Variants in SLCO4A1 observed in about 807,000 individuals in gnomAD.
The protein encoded by SLCO4A1 is solute carrier organic anion transporter family member 4A1.
In SLCO4A1, 51 loss-of-function variants were observed where a neutral mutation model predicts 64.6. That is an observed-to-expected ratio of 0.79 (90% CI 0.63 to 1.00). The LOEUF (loss-of-function observed/expected upper bound fraction) is 1.00, where lower values mean the gene tolerates loss of function less well. Ranked by LOEUF, SLCO4A1 falls within the 50% of genes least tolerant of loss-of-function variation. The pLI, the probability that SLCO4A1 is intolerant of heterozygous loss-of-function variation, is 0.00. For missense variants in SLCO4A1, 919 were observed against 980.5 expected, an observed-to-expected ratio of 0.94 and a Z score of 0.84; for synonymous variants, 471 against 444.9, an observed-to-expected ratio of 1.06 and a Z score of -0.74.
In SLCO4A1 at chr20:62,668,540, A is replaced by G; in HGVS notation, c.1875A>G (p.Leu625=). Residue 625 remains leucine (L), a splice_region_variant and synonymous_variant, in exon 10 of 12, where the codon CTA becomes CTG. Coordinates refer to ENST00000217159, the MANE Select transcript of SLCO4A1 (RefSeq NM_016354.4). ...TCCAGTGGATTGTAGTTAGAATACT[A>G]GGTACTGTGCAGTGTGAGGAAGCCA... ...LGIQWIVVRI[L]GGIPGPIAFG... is the part of the protein sequence containing the mutation. 6.2e-7 allele frequency: 1 copy of G among 1,612,548 alleles called. No homozygotes were observed.
intron 3 of SLCO4A1, among the ~76,000 whole-genome samples, chr20:62,659,660 G>A (rs1169191009): frequency 2.6e-5 from 4 of 152,204 alleles, no homozygotes; most frequent in Admixed American, 6.5e-5. Flanking sequence ...CTGGCCCCCG[G>A]AGGCGGCCGC....
chr20:62,666,212 C>T lies in SLCO4A1; in HGVS notation c.1277-168C>T, dbSNP rs191407172. Among the ~76,000 whole-genome samples, 1,143 of 149,302 alleles carry T rather than the reference C, an allele frequency of 7.7e-3. 20 individuals carry two copies. Among genetic ancestry groups the T allele is most frequent in the African/African-American group, 0.027 (1,098 of 40,484 alleles). Reference sequence around the variant, plus strand: ...GAGGTCCCTCCTAGGGCTCTATCAGCGCAACAGCTAAGCACTCAGGTGTGG... The same window carrying T: ...GAGGTCCCTCCTAGGGCTCTATCAGTGCAACAGCTAAGCACTCAGGTGTGG... On this transcript the variant is annotated intron_variant, in intron 6 of 11. Coordinates refer to ENST00000217159, the MANE Select transcript of SLCO4A1 (RefSeq NM_016354.4).
chr20:62,671,692 G>GT, intron 11 of SLCO4A1, 58 bp from the exon 12 acceptor site: 3 of 1,538,660 alleles, frequency 1.9e-6, no homozygotes, highest in Non-Finnish European at 2.7e-6. Flanking sequence ...AGGCCCACCA[G>GT]TATCCAAAGG....
Position 62,666,381 on chromosome 20 carries a change from G to A in SLCO4A1, c.1278G>A (p.Gly426=), listed in dbSNP as rs1986340848. ...LSASEAATLF[G]YLVVPAGGGG... is the part of the protein sequence containing the mutation. ...GGCTGAATCCCTCCCTCTCCCCAGG[G>A]TACCTGGTGGTGCCAGCGGGTGGTG... The change falls in exon 7 of 12, where the codon GGG becomes GGA. Residue 426 remains glycine (G), a splice_region_variant and synonymous_variant. Coordinates refer to ENST00000217159, the MANE Select transcript of SLCO4A1 (RefSeq NM_016354.4). The A allele has an allele frequency of 1.2e-6, 2 of 1,612,514 alleles. No homozygotes were observed. The highest frequency in any genetic ancestry group is 1.7e-6 in the Non-Finnish European group (2 of 1,179,770).
At chr20:62,651,225 GAC>G (rs1307017191) in intron 1 of SLCO4A1, 1 of 152,206 alleles carries the variant, frequency 6.6e-6, no homozygotes, top group African/African-American at 2.4e-5. Context: ...TTCCAATCTA[GAC>G]ACCGCTGTTT....
intron 4 of SLCO4A1, 63 bp downstream of exon 4, chr20:62,660,596 G>C (rs1984596265): frequency 1.3e-6 from 2 of 1,561,340 alleles, no homozygotes; most frequent in East Asian, 4.5e-5. Flanking sequence ...CTTCGCGAAG[G>C]GGGCACCCCG....
At chr20:62,670,387 C>T (rs1406282299) in intron 11 of SLCO4A1, among the ~76,000 whole-genome samples, 23 of 152,246 alleles carry the variant, frequency 1.5e-4, no homozygotes, top group Non-Finnish European at 1.5e-5. Context: ...GGTGTGGTTC[C>T]CACATCCCCC....
chr20:62,663,867 G>A (rs1431853885), intron 5 of SLCO4A1, among the ~76,000 whole-genome samples: 1 of 152,222 alleles, frequency 6.6e-6, no homozygotes, highest in Non-Finnish European at 1.5e-5. Context: ...TGGCTGGGAG[G>A]GCTTTGCGTG....
downstream of SLCO4A1, among the ~76,000 whole-genome samples, chr20:62,673,751 G>C (rs545449480): frequency 5.8e-5 from 6 of 103,082 alleles, no homozygotes; most frequent in African/African-American, 5.8e-5. Flanking sequence ...CAAGGGCCAC[G>C]TGAGCCAACC....
chr20:62,660,695 T>G (rs1442708297), intron 4 of SLCO4A1, among the ~76,000 whole-genome samples, 162 bp downstream of exon 4: 2 of 152,222 alleles, frequency 1.3e-5, no homozygotes, highest in African/African-American at 4.8e-5. Flanking sequence ...GAGAGACGCC[T>G]CCTGGCTGTG....
intron 5 of SLCO4A1, 117 bp from the exon 6 acceptor site, chr20:62,664,817 C>T: frequency 8.5e-7 from 1 of 1,179,898 alleles, no homozygotes; most frequent in Non-Finnish European, 1.2e-6. Context: ...CCCTCAGTCT[C>T]TTCTCCACAC....
chr20:62,656,524 C>A lies in SLCO4A1; in HGVS notation c.70C>A (p.Leu24Ile). The change falls in exon 2 of 12, where the codon CTT becomes ATT. Residue 24 changes from leucine (L) to isoleucine (I), a missense_variant. Coordinates refer to ENST00000217159, the MANE Select transcript of SLCO4A1 (RefSeq NM_016354.4). The stretch of plus-strand genomic sequence containing the variant: ...CCCCAACTCAGCCATGGAAAACGGG[C>A]TTGACCACACCCCACCCAGCAGGAG... ...PSPNSAMENG[L>I]DHTPPSRRAS... 6.4e-7 allele frequency: 1 copy of A among 1,573,420 alleles called. No individual in the cohort carries two copies.
At chr20:62,643,117 C>A in intron 1 of SLCO4A1, 1 of 436,594 alleles carries the variant, frequency 2.3e-6, no homozygotes. Flanking sequence ...GAGACATCTC[C>A]GGGAGGGGAG....
At chr20:62,680,855 T>A (rs960036492) in intron 2 of SLCO4A1, among the ~76,000 whole-genome samples, 1 of 152,224 alleles carries the variant, frequency 6.6e-6, no homozygotes, top group African/African-American at 2.4e-5. Flanking sequence ...TTTATCTGGT[T>A]CTGGTATATG....
intron 1 of SLCO4A1, among the ~76,000 whole-genome samples, chr20:62,655,017 C>G (rs1426633130): frequency 3.9e-5 from 6 of 152,334 alleles, no homozygotes; most frequent in Middle Eastern, 6.8e-3. Flanking sequence ...AGGGCCCACC[C>G]AATGTCCCTG....
chr20:62,689,964 G>A (rs939731177), downstream of SLCO4A1, among the ~76,000 whole-genome samples: 5 of 152,208 alleles, frequency 3.3e-5, no homozygotes, highest in Non-Finnish European at 2.9e-5. Context: ...GGGCTGAGTC[G>A]ACGCCTGCAG....
At chr20:62,658,800 G>T in intron 3 of SLCO4A1, 33 bp downstream of exon 3, 1 of 1,541,158 alleles carries the variant, frequency 6.5e-7, no homozygotes. Context: ...GCCTGCGCTG[G>T]AGAGGCCCAC....
intron 11 of SLCO4A1, chr20:62,670,244 G>C (rs1569148683): frequency 1.3e-5 from 2 of 152,222 alleles, no homozygotes; most frequent in Non-Finnish European, 2.9e-5. Flanking sequence ...TCTCTGCTCA[G>C]GGAGTGGTGG....
In SLCO4A1 at chr20:62,661,531, G is replaced by C. The variant is rs1221387545; in HGVS notation, c.1121+356G>C. On this transcript the variant is annotated intron_variant, in intron 5 of 11. Coordinates refer to ENST00000217159, the MANE Select transcript of SLCO4A1 (RefSeq NM_016354.4). The surrounding 1 kb of genome is among the most constrained non-coding windows in gnomAD (Gnocchi z 5.2). ...ACACCAGCAAGTCTCCCCGTGGCCTGTGTGTCCCGGGGTCCCCAGGGAAGC... is the reference window on the plus strand; with the variant it reads ...ACACCAGCAAGTCTCCCCGTGGCCTCTGTGTCCCGGGGTCCCCAGGGAAGC... 2.0e-5 allele frequency among the ~76,000 whole-genome samples: 3 copies of C among 152,114 alleles called. No homozygotes were observed. The highest frequency in any genetic ancestry group is 4.4e-5 in the Non-Finnish European group (3 of 68,004).
Sources: gnomAD v4.1 joint callset for allele counts (sites outside exome capture counted in the v4.1 genomes callset) on GRCh38, gnomAD v4.1.1 for gene constraint, Gnocchi (gnomAD v3.1) non-coding constraint, MANE v1.5 for transcripts, NCBI Gene and HGNC (gene_info 2026-07-23, HGNC 2026-07-21) for gene names.